Variants in PANK2 observed in about 807,000 individuals in gnomAD.
The protein encoded by PANK2 is pantothenate kinase 2, mitochondrial.
PANK2 carries 36 observed loss-of-function variants against 43.1 expected under a neutral mutation model. The observed-to-expected ratio is 0.84, with a 90% CI of 0.64 to 1.10. The LOEUF (loss-of-function observed/expected upper bound fraction) is 1.10, where lower values mean the gene tolerates loss of function less well. Among genes scored for constraint, PANK2 ranks in the 50% least tolerant of loss-of-function variants. PANK2 has a pLI of 0.00. For synonymous variants in PANK2, 281 were observed against 238.2 expected (o/e 1.18, Z -1.66); for missense variants, 576 against 593.3 (o/e 0.97, Z 0.30).
At chr20:3,896,165 C>G (rs1431761119) in intron 1 of PANK2, among the ~76,000 whole-genome samples, 2 of 151,520 alleles carry the variant, frequency 1.3e-5, no homozygotes, top group African/African-American at 2.4e-5. Flanking sequence ...GGGTTCATGC[C>G]CTTTCTCTTG....
At position 3,912,595 on chromosome 20, in the gene PANK2, A is replaced by T. The variant is rs773996303; in HGVS notation, c.1043A>T (p.Tyr348Phe). ...GTACGAGATATTTATGGAGGGGACT[A>T]TGAGAGGTTTGGACTGCCAGGCTGG... The change falls in exon 4 of 7, where the codon TAT becomes TTT. Residue 348 changes from tyrosine to phenylalanine, a missense_variant. Transcript: ENST00000610179. 1.2e-6 allele frequency: 2 copies of T among 1,613,980 alleles called. No homozygotes were observed. Among genetic ancestry groups the T allele is most frequent in the Non-Finnish European group, 1.7e-6 (2 of 1,180,022 alleles).
In PANK2 at chr20:3,916,844, T is replaced by C. The variant is rs897862072; in HGVS notation, c.1083-83T>C. On this transcript the variant is annotated intron_variant, in intron 4 of 6. Coordinates refer to ENST00000610179, the MANE Select transcript of PANK2 (RefSeq NM_001386393.1). Reference sequence around the variant, plus strand: ...AACAATGTTGCCCTAAAAGCTAATTTTATTTCAATAAAGTAACATTCAAGT... The same window carrying C: ...AACAATGTTGCCCTAAAAGCTAATTCTATTTCAATAAAGTAACATTCAAGT... 7.0e-6 allele frequency: 11 copies of C among 1,581,568 alleles called. No individual in the cohort carries two copies. The African/African-American group carries it at 1.5e-4, about 21-fold the overall frequency.
At position 3,903,433 on chromosome 20, in the gene PANK2, C is replaced by T. The variant is rs566658706; in HGVS notation, c.299-4493C>T. Among the ~76,000 whole-genome samples the T allele has an allele frequency of 8.0e-5, 12 of 150,782 alleles. No homozygotes were observed. In the East Asian group the frequency reaches 1.8e-3, roughly 22 times the overall value. ...AAAGTGCTGGAATTACAGGCATGAG[C>T]CACGACGCCCGGCTTTTTTTTTTCT... is the stretch of plus-strand genomic sequence containing the variant. On this transcript the variant is annotated intron_variant, in intron 1 of 6. Coordinates refer to ENST00000610179, the MANE Select transcript of PANK2 (RefSeq NM_001386393.1).
rs149522247 is a variant in PANK2 at position 3,903,848 on chromosome 20, C to T, written c.299-4078C>T. ...TTCACCATATTGGTCAGGCTGATCTCGAACTCCTGACCTTGTGATCCGGCC... is the reference window on the plus strand; with the variant it reads ...TTCACCATATTGGTCAGGCTGATCTTGAACTCCTGACCTTGTGATCCGGCC... On this transcript the variant is annotated intron_variant, in intron 1 of 6. Coordinates refer to ENST00000610179, the MANE Select transcript of PANK2 (RefSeq NM_001386393.1). Among the ~76,000 whole-genome samples, 75 of 151,892 alleles carry T rather than the reference C, an allele frequency of 4.9e-4. No homozygotes were observed. In the East Asian group the frequency reaches 0.011, roughly 23 times the overall value.
At position 3,889,656 on chromosome 20, in the gene PANK2, C is replaced by G. The variant is rs540150586; in HGVS notation, c.226C>G (p.Arg76Gly). The stretch of plus-strand genomic sequence containing the variant: ...CTCGGCTGAGGGCACGAGGCGGGAT[C>G]GACTGGGCTCTTACAGCGGCCCCAC... The change falls in exon 1 of 7, where the codon CGA (arginine) becomes GGA (glycine). Residue 76 changes from arginine to glycine, a missense_variant. Transcript: ENST00000610179. 6.3e-7 allele frequency: 1 copy of G among 1,587,412 alleles called. No individual in the cohort carries two copies. The highest frequency in any genetic ancestry group is 1.7e-5 in the Admixed American group (1 of 58,928).
intron 1 of PANK2, among the ~76,000 whole-genome samples, chr20:3,897,214 C>G (rs2090223645): frequency 6.6e-6 from 1 of 152,150 alleles, no homozygotes; most frequent in South Asian, 2.1e-4. Context: ...GGATTTCAGT[C>G]GTTGAGACCT....
Position 3,911,932 on chromosome 20 carries a change from C to T in PANK2, c.906-526C>T, listed in dbSNP as rs77015278. On this transcript the variant is annotated intron_variant, in intron 3 of 6. Transcript: ENST00000610179. ...GATTAGATGGAAGAAGAGAATGTTT[C>T]GGCTTAAGGGTCAGAGGTCACTTCA... Among the ~76,000 whole-genome samples, 273 of 152,050 alleles carry T rather than the reference C, an allele frequency of 1.8e-3. 1 individual carries two copies. Among genetic ancestry groups the T allele is most frequent in the African/African-American group, 6.0e-3 (251 of 41,500 alleles).
At chr20:3,903,788 C>T (rs560451645) in intron 1 of PANK2, among the ~76,000 whole-genome samples, 9 of 151,964 alleles carry the variant, frequency 5.9e-5, no homozygotes, top group East Asian at 1.9e-4. Context: ...CCACCACGCC[C>T]GGCTAATTTT....
At chr20:3,895,652 C>T (rs2146825240) in intron 1 of PANK2, among the ~76,000 whole-genome samples, 1 of 152,096 alleles carries the variant, frequency 6.6e-6, no homozygotes, top group Admixed American at 6.6e-5. Context: ...GTGAGCTTTT[C>T]TCAGGTTCAT....
chr20:3,896,179 C>T (rs2090204049), intron 1 of PANK2, among the ~76,000 whole-genome samples: 1 of 150,968 alleles, frequency 6.6e-6, no homozygotes, highest in African/African-American at 2.4e-5. Context: ...TCTCTTGGCT[C>T]AGCCTCCTGA....
intron 1 of PANK2, among the ~76,000 whole-genome samples, chr20:3,893,388 A>G (rs1368413727): frequency 6.6e-6 from 1 of 152,194 alleles, no homozygotes; most frequent in Non-Finnish European, 1.5e-5. Flanking sequence ...CTAAAATTAT[A>G]TTTTAAATTT....
intron 1 of PANK2, among the ~76,000 whole-genome samples, chr20:3,893,924 G>GTTTTTTTTTTTTTTT (rs1046729224): frequency 2.3e-4 from 29 of 124,900 alleles, no homozygotes; most frequent in African/African-American, 7.5e-4. Flanking sequence ...TTTTTTGTTT[G>GTTTTTTTTTTTTTTT]TTTTTTGTTT....
intron 6 of PANK2, among the ~76,000 whole-genome samples, chr20:3,922,845 G>A (rs2090667654): frequency 6.6e-6 from 1 of 152,122 alleles, no homozygotes; most frequent in African/African-American, 2.4e-5. Context: ...ATTGCACTTT[G>A]CATCCGACCT....
At chr20:3,922,295 C>G (rs1041452274) in intron 6 of PANK2, among the ~76,000 whole-genome samples, 1 of 152,206 alleles carries the variant, frequency 6.6e-6, no homozygotes, top group African/African-American at 2.4e-5. Context: ...GTTCTCTTTT[C>G]TGTCATTATG....
At chr20:3,899,485 T>C (rs1342745767) in intron 1 of PANK2, among the ~76,000 whole-genome samples, 35 of 151,492 alleles carry the variant, frequency 2.3e-4, no homozygotes, top group African/African-American at 7.0e-4. Flanking sequence ...TTTTTTTTTT[T>C]CCCCAGAGTT....
At chr20:3,898,554 G>GTA (rs2090248302) in intron 1 of PANK2, among the ~76,000 whole-genome samples, 1 of 152,030 alleles carries the variant, frequency 6.6e-6, no homozygotes, top group Non-Finnish European at 1.5e-5. Flanking sequence ...TTCCGTTTAA[G>GTA]TACTACTTTG....
rs756994167 is a variant in PANK2, at chr20:3,889,930, T to C, written c.298+202T>C. The C allele has an allele frequency of 2.6e-6, 4 of 1,531,112 alleles. No individual in the cohort carries two copies. The African/African-American group carries it at 5.5e-5, about 21-fold the overall frequency. The allele number at this position is 1,531,112 out of a possible 1,614,324, so 94.8% of individuals were successfully genotyped here. A position where few individuals can be genotyped will look rare whatever the true frequency, so the allele number is the denominator to read the frequency against. On this transcript the variant is annotated intron_variant, in intron 1 of 6. Transcript: ENST00000610179. ...ACCTTCGGGGGCCCCCCCGCACCCATTGGTATGCACTTCCCGCTTGTTGGA... is the reference window on the plus strand; with the variant it reads ...ACCTTCGGGGGCCCCCCCGCACCCACTGGTATGCACTTCCCGCTTGTTGGA...
rs2294580 is a variant in PANK2 at position 3,918,463 on chromosome 20, T to C, written c.1207-208T>C. ...CAAATGTTTTTCCTAATCTGTTTTC[T>C]TCTCCTGTGACATTATCTAGCATGC... On this transcript the variant is annotated intron_variant, in intron 5 of 6. Transcript: ENST00000610179. Among the ~76,000 whole-genome samples, 98 of 152,330 alleles carry C rather than the reference T, an allele frequency of 6.4e-4. No individual in the cohort carries two copies. In the East Asian group the frequency reaches 0.018, roughly 28 times the overall value.
chr20:3,904,092 G>A (rs2090348553), intron 1 of PANK2, among the ~76,000 whole-genome samples: 1 of 151,740 alleles, frequency 6.6e-6, no homozygotes, highest in Non-Finnish European at 1.5e-5. Context: ...CACTGTGCCC[G>A]GCCAGTTTGC....
Sources: allele counts gnomAD v4.1 joint callset (sites outside exome capture counted in the v4.1 genomes callset), GRCh38; gene constraint gnomAD v4.1.1; transcripts MANE v1.5; gene names NCBI Gene and HGNC (gene_info 2026-07-23, HGNC 2026-07-21).